Variants in UBE2G2 observed in about 807,000 individuals in gnomAD.
UBE2G2 encodes the protein ubiquitin conjugating enzyme E2 G2.
Under a neutral mutation model 23.0 loss-of-function variants are expected in UBE2G2, and 10 were observed. The ratio of observed to expected loss-of-function variants is 0.43; its 90% CI spans 0.27 to 0.74. The LOEUF (loss-of-function observed/expected upper bound fraction) is 0.74, where lower values mean the gene tolerates loss of function less well. UBE2G2 is among the 30% of genes least tolerant of loss of function. The pLI, the probability that UBE2G2 is intolerant of heterozygous loss-of-function variation, is 0.19. For missense variants in UBE2G2, 150 were observed against 218.3 expected (o/e 0.69, Z 1.97); for synonymous variants, 86 against 81.3 (o/e 1.06, Z -0.31).
At chr21:44,798,330 T>A (rs1376322321) in intron 1 of UBE2G2, among the ~76,000 whole-genome samples, 2 of 151,990 alleles carry the variant, frequency 1.3e-5, no homozygotes, top group Non-Finnish European at 2.9e-5. Context: ...AAGGCAGGAG[T>A]GGCTGTGGTA....
intron 3 of UBE2G2, among the ~76,000 whole-genome samples, chr21:44,782,828 C>T (rs1249915081): frequency 1.3e-5 from 2 of 152,050 alleles, no homozygotes; most frequent in African/African-American, 2.4e-5. Context: ...AGTGAAAAAA[C>T]ACAAAACTTC....
intron 3 of UBE2G2, chr21:44,785,602 C>T (rs1418864877): frequency 6.6e-6 from 1 of 152,272 alleles, no homozygotes; most frequent in Non-Finnish European, 1.5e-5. Context: ...TTTAGAAATA[C>T]TAGGGTAGAG....
chr21:44,779,390 G>A (rs1372778973), intron 3 of UBE2G2, among the ~76,000 whole-genome samples: 1 of 150,300 alleles, frequency 6.7e-6, no homozygotes, highest in Non-Finnish European at 1.5e-5. Flanking sequence ...GGTACTGTGT[G>A]ACAGTCCCCA....
intron 5 of UBE2G2, 70 bp downstream of exon 5, chr21:44,773,477 G>A: frequency 6.6e-7 from 1 of 1,522,206 alleles, no homozygotes; most frequent in Non-Finnish European, 8.8e-7. Flanking sequence ...AAGACAGGAT[G>A]ACGCAAGGCT....
intron 3 of UBE2G2, among the ~76,000 whole-genome samples, chr21:44,780,501 C>A (rs2082947781): frequency 6.6e-6 from 1 of 152,244 alleles, no homozygotes; most frequent in South Asian, 2.1e-4. Flanking sequence ...TCAAAGCCTG[C>A]AAATTATGCT....
chr21:44,792,637 G>A (rs1217524349), intron 1 of UBE2G2, among the ~76,000 whole-genome samples: 1 of 152,180 alleles, frequency 6.6e-6, no homozygotes, highest in African/African-American at 2.4e-5. Context: ...CCCAGTCTCA[G>A]GTAGTATCTT....
intron 3 of UBE2G2, among the ~76,000 whole-genome samples, chr21:44,786,555 CT>C (rs1237642825): frequency 1.3e-5 from 2 of 152,164 alleles, no homozygotes; most frequent in Non-Finnish European, 2.9e-5. Flanking sequence ...TCAATTTAAC[CT>C]CCACAGACAA....
intron 4 of UBE2G2, chr21:44,774,364 TA>T (rs1429574359): frequency 6.1e-6 from 1 of 163,994 alleles, no homozygotes. Context: ...CTCTTTTACA[TA>T]AAATTGGGAG....
At chr21:44,777,445 A>G in intron 3 of UBE2G2, 28 bp from the exon 4 acceptor site, 2 of 1,599,944 alleles carry the variant, frequency 1.3e-6, no homozygotes, top group Non-Finnish European at 1.7e-6. Context: ...CGTAGACTGA[A>G]CTTCAAAGTA....
rs782049337 is a variant in UBE2G2, at chr21:44,771,507, A to G, written c.386-18T>C. 6 of 1,607,262 alleles carry G rather than the reference A, an allele frequency of 3.7e-6. No individual in the cohort carries two copies. Among genetic ancestry groups the G allele is most frequent in the Non-Finnish European group, 5.1e-6 (6 of 1,179,190 alleles). On this transcript the variant is annotated intron_variant, in intron 5 of 5. Coordinates refer to ENST00000345496, the MANE Select transcript of UBE2G2 (RefSeq NM_003343.6). This position sits in a 1 kb window ranked among gnomAD's most constrained non-coding sequence, Gnocchi z 4.6. ...ATTGGGCTCTGAAAGAAAAGGGAAC[A>G]CCCTCCATGTAAAAGGGAGTCTTAT...
At position 44,801,775 on chromosome 21, in the gene UBE2G2, C is replaced by G; in HGVS notation, c.-27G>C. 1 of 1,510,492 alleles carries G rather than the reference C, an allele frequency of 6.6e-7. No homozygotes were observed. Among genetic ancestry groups the G allele is most frequent in the East Asian group, 2.8e-5 (1 of 35,548 alleles). 93.6% of individuals were successfully genotyped at this position (1,510,492 alleles called of 1,614,324 possible). Reference sequence around the variant, plus strand: ...GCCCCGCAACAGCTGCGCCGAGCGACCTCGCCTCAGCCGCGCGCGTGCCTC... The same window carrying G: ...GCCCCGCAACAGCTGCGCCGAGCGAGCTCGCCTCAGCCGCGCGCGTGCCTC... On this transcript the variant is annotated 5_prime_UTR_variant, in exon 1 of 6. Transcript: ENST00000345496.
At chr21:44,801,442 A>G (rs2083136654) in intron 1 of UBE2G2, 5 of 1,220,066 alleles carry the variant, frequency 4.1e-6, no homozygotes, top group Non-Finnish European at 5.2e-6. Flanking sequence ...ACAAGCCCGC[A>G]AAGACTCAAC....
In UBE2G2 at chr21:44,777,362, G is replaced by C. The variant is rs2082921004; in HGVS notation, c.181C>G (p.Pro61Ala). Residue 61 changes from proline to alanine, a missense_variant, in exon 4 of 6, where the codon CCA becomes GCA. Transcript: ENST00000345496. ...FGVFPAILSF[P>A]LDYPLSPPKM... The stretch of plus-strand genomic sequence containing the variant: ...GGGGGACTTAACGGGTAATCAAGTG[G>C]GAAACTCAGGATGGCAGGAAAAACA... 6.2e-7 allele frequency: 1 copy of C among 1,613,880 alleles called. No individual in the cohort carries two copies. Among genetic ancestry groups the C allele is most frequent in the Non-Finnish European group, 8.5e-7 (1 of 1,180,016 alleles).
chr21:44,795,860 T>C (rs1459386373), intron 1 of UBE2G2, among the ~76,000 whole-genome samples: 2 of 152,134 alleles, frequency 1.3e-5, no homozygotes, highest in Admixed American at 1.3e-4. Context: ...CATGTACATT[T>C]AGGACATGCA....
chr21:44,801,559 G>T, intron 1 of UBE2G2, 147 bp downstream of exon 1: 2 of 1,202,674 alleles, frequency 1.7e-6, no homozygotes, highest in Non-Finnish European at 2.2e-6. Context: ...GCAGGGCGCG[G>T]CACTCCGCGG....
chr21:44,787,853 C>CT, intron 3 of UBE2G2, 67 bp downstream of exon 3: 2 of 1,557,324 alleles, frequency 1.3e-6, no homozygotes, highest in Admixed American at 1.7e-5. Context: ...AGTCACACTG[C>CT]TGATGTGATT....
At chr21:44,779,571 C>T (rs2082941214) in intron 3 of UBE2G2, among the ~76,000 whole-genome samples, 1 of 152,128 alleles carries the variant, frequency 6.6e-6, no homozygotes. Flanking sequence ...GCCTGGGTTA[C>T]TCTGCTCCCC....
rs1221486076 is a variant in UBE2G2 at position 44,796,173 on chromosome 21, GAC to G, written c.43+5531_43+5532del. Among the ~76,000 whole-genome samples, 6 of 152,348 alleles carry G rather than the reference GAC, an allele frequency of 3.9e-5. No homozygotes were observed. The East Asian group carries it at 1.2e-3, about 29-fold the overall frequency. On this transcript the variant is annotated intron_variant, in intron 1 of 5. Transcript: ENST00000345496. ...TAGGAAAGGCTGGATGATGAATGAA[GAC>G]AGAACATCAAGACAAGACAGCAGTT...
rs577280170 is a variant in UBE2G2 at position 44,779,513 on chromosome 21, C to T, written c.126-2096G>A. On this transcript the variant is annotated intron_variant, in intron 3 of 5. Transcript: ENST00000345496. The stretch of plus-strand genomic sequence containing the variant: ...GGACAGTGCCCGGATGAGTACCCCC[C>T]CCGGCCCACACTGGCACCCAGCGCC... Among the ~76,000 whole-genome samples, 25 of 151,966 alleles carry T rather than the reference C, an allele frequency of 1.6e-4. No individual in the cohort carries two copies. In the East Asian group the frequency reaches 2.1e-3, roughly 13 times the overall value.
Sources: gnomAD v4.1 joint callset for allele counts (sites outside exome capture counted in the v4.1 genomes callset) on GRCh38, gnomAD v4.1.1 for gene constraint, Gnocchi (gnomAD v3.1) non-coding constraint, MANE v1.5 for transcripts, NCBI Gene and HGNC (gene_info 2026-07-23, HGNC 2026-07-21) for gene names.